The following CELF2 variants were observed in gnomAD, a reference collection of about 807,000 sequenced individuals.
CELF2 encodes the protein CUGBP Elav-like family member 2.
A neutral mutation model predicts 62.6 loss-of-function variants in CELF2; 8 were observed. That is an observed-to-expected ratio of 0.13 (90% CI 0.07 to 0.23). CELF2 has a LOEUF of 0.23. Among genes scored for constraint, CELF2 ranks in the 10% least tolerant of loss-of-function variants. The pLI, the probability that CELF2 is intolerant of heterozygous loss-of-function variation, is 1.00. For synonymous variants in CELF2, 258 were observed against 250.0 expected, an observed-to-expected ratio of 1.03 and a Z score of -0.30; for missense variants, 333 against 671.0, an observed-to-expected ratio of 0.50 and a Z score of 5.56.
chr10:10,686,557 A>G, the CELF2 span, among the ~76,000 whole-genome samples: 1 of 152,244 alleles, frequency 6.6e-6, no homozygotes, highest in East Asian at 1.9e-4. Context: ...AAATTGAATC[A>G]TAGGGTAGTT....
At chr10:11,123,939 A>G (rs186055412) in intron 1 of CELF2, among the ~76,000 whole-genome samples, 51 of 152,322 alleles carry the variant, frequency 3.3e-4, no homozygotes, top group Admixed American at 7.2e-4. Context: ...TTTATAAAGA[A>G]AAAGAGGTTT....
At chr10:10,487,474 A>G in the CELF2 span, among the ~76,000 whole-genome samples, 2 of 152,280 alleles carry the variant, frequency 1.3e-5, no homozygotes, top group Admixed American at 6.5e-5. Context: ...TAAATCAAAC[A>G]CACTACAGTA....
the CELF2 span, among the ~76,000 whole-genome samples, chr10:10,501,619 C>T: frequency 6.6e-6 from 1 of 152,006 alleles, no homozygotes; most frequent in African/African-American, 2.4e-5. Flanking sequence ...TATACAAGTG[C>T]AACTGATTTT....
chr10:10,804,421 A>T (rs2054993165), intron 1 of CELF2, among the ~76,000 whole-genome samples: 1 of 152,232 alleles, frequency 6.6e-6, no homozygotes, highest in Non-Finnish European at 1.5e-5. Context: ...AGGAAAATAG[A>T]AGTGGCTTTG....
intron 2 of CELF2, among the ~76,000 whole-genome samples, chr10:10,999,550 A>G (rs150946124): frequency 0.012 from 1,829 of 152,270 alleles, 39 homozygotes; most frequent in African/African-American, 0.042. Context: ...GCAATGAGCT[A>G]TGATTGTGTC....
the CELF2 span, among the ~76,000 whole-genome samples, chr10:10,757,968 G>A: frequency 6.6e-6 from 1 of 152,194 alleles, no homozygotes; most frequent in Non-Finnish European, 1.5e-5. Context: ...TCTGTTTGTG[G>A]TTGGGTTCAG....
At chr10:11,323,133 G>A (rs1303596390) in intron 11 of CELF2, among the ~76,000 whole-genome samples, 2 of 152,044 alleles carry the variant, frequency 1.3e-5, no homozygotes, top group South Asian at 2.1e-4. Context: ...CAACTTACTC[G>A]CCTGGAGTTT....
At chr10:10,486,166 G>T in the CELF2 span, among the ~76,000 whole-genome samples, 3 of 152,174 alleles carry the variant, frequency 2.0e-5, no homozygotes, top group African/African-American at 7.2e-5. Context: ...GGTGGAAATG[G>T]TGGTCTTCAT....
the CELF2 span, among the ~76,000 whole-genome samples, chr10:10,675,432 G>A: frequency 6.6e-6 from 1 of 151,642 alleles, no homozygotes. Flanking sequence ...ATTTTCTTTT[G>A]TTTGAAAATG....
the CELF2 span, among the ~76,000 whole-genome samples, chr10:10,603,884 T>C: frequency 6.6e-6 from 1 of 152,100 alleles, no homozygotes; most frequent in Non-Finnish European, 1.5e-5. Flanking sequence ...TTGGAATGCT[T>C]CAGATATATA....
At chr10:10,982,935 A>G (rs2052316605) in intron 2 of CELF2, among the ~76,000 whole-genome samples, 1 of 151,400 alleles carries the variant, frequency 6.6e-6, no homozygotes, top group African/African-American at 2.4e-5. Context: ...TGCATTTTCT[A>G]AGACTACTGT....
intron 2 of CELF2, among the ~76,000 whole-genome samples, chr10:10,927,513 G>A (rs1030242099): frequency 4.0e-5 from 6 of 151,744 alleles, no homozygotes; most frequent in South Asian, 4.2e-4. Flanking sequence ...CTGCAGCCTC[G>A]AACTCCTGGG....
At chr10:11,019,820 T>C (rs2058020745) in intron 1 of CELF2, among the ~76,000 whole-genome samples, 1 of 152,206 alleles carries the variant, frequency 6.6e-6, no homozygotes. Context: ...TATACCTGTA[T>C]AGACACGTAA....
At chr10:11,116,022 T>A (rs1238316253) in intron 1 of CELF2, among the ~76,000 whole-genome samples, 1 of 152,222 alleles carries the variant, frequency 6.6e-6, no homozygotes, top group Non-Finnish European at 1.5e-5. Flanking sequence ...TATCTTGGTT[T>A]CCAAATGATA....
the CELF2 span, among the ~76,000 whole-genome samples, chr10:10,720,122 G>A: frequency 2.6e-5 from 4 of 152,332 alleles, no homozygotes; most frequent in Non-Finnish European, 4.4e-5. Context: ...CTGAGTTGTC[G>A]TCAGAAGCGC....
chr10:11,334,271 G>GAAAC lies in CELF2; in HGVS notation c.*5220_*5223dup, dbSNP rs1272109372. On this transcript the variant is annotated 3_prime_UTR_variant, in exon 13 of 13. Coordinates refer to ENST00000633077, the MANE Select transcript of CELF2 (RefSeq NM_001326342.2). ...TCATTGTGAACATAACCGTGTAGTT[G>GAAAC]AAACAGTCAAACTTATTTTTGTAAT... 6.6e-6 allele frequency: 1 copy of GAAAC among 152,594 alleles called. No individual in the cohort carries two copies. Among genetic ancestry groups the GAAAC allele is most frequent in the Non-Finnish European group, 1.5e-5 (1 of 68,042 alleles). The allele number at this position is 152,594 out of a possible 1,614,324, so 9.5% of individuals were successfully genotyped here.
chr10:11,230,896 T>C (rs985889940), intron 3 of CELF2, among the ~76,000 whole-genome samples: 38 of 152,268 alleles, frequency 2.5e-4, no homozygotes, highest in African/African-American at 8.7e-4. Flanking sequence ...AGCATCGGAG[T>C]GTAGAGTCCT....
Position 11,242,889 on chromosome 10 carries a change from G to A in CELF2, c.355-6264G>A, listed in dbSNP as rs368127072. Among the ~76,000 whole-genome samples, 6 of 152,156 alleles carry A rather than the reference G, an allele frequency of 3.9e-5. No individual in the cohort carries two copies. The highest frequency in any genetic ancestry group is 1.3e-4 in the Admixed American group (2 of 15,286). On this transcript the variant is annotated intron_variant, in intron 3 of 12. Transcript: ENST00000633077. The surrounding 1 kb of genome is among the most constrained non-coding windows in gnomAD (Gnocchi z 4.8). ...TGATGCTGGGAGGCTTGTGTGGTCC[G>A]CCACCAACAGATGGCTCCTACCAGG...
chr10:10,598,786 A>C, the CELF2 span, among the ~76,000 whole-genome samples: 1 of 78,578 alleles, frequency 1.3e-5, no homozygotes, highest in African/African-American at 4.2e-5. Flanking sequence ...TTTGAGACAG[A>C]GTCTCCCTCT....
Sources: allele counts gnomAD v4.1 joint callset (sites outside exome capture counted in the v4.1 genomes callset), GRCh38; gene constraint gnomAD v4.1.1; non-coding constraint Gnocchi (gnomAD v3.1); transcripts MANE v1.5; gene names NCBI Gene and HGNC (gene_info 2026-07-23, HGNC 2026-07-21).